The following RALGPS2 variants were observed in gnomAD, a reference collection of about 807,000 sequenced individuals.
RALGPS2 encodes the protein Ral GEF with PH domain and SH3 binding motif 2.
RALGPS2 carries 43 observed loss-of-function variants against 86.8 expected under a neutral mutation model. The ratio of observed to expected loss-of-function variants is 0.50; its 90% CI spans 0.39 to 0.64. RALGPS2 has a LOEUF of 0.64. Among genes scored for constraint, RALGPS2 ranks in the 30% least tolerant of loss-of-function variants. The probability of loss-of-function intolerance (pLI) is 0.00; values close to 1 mark genes in which losing one functional copy is unlikely to be tolerated. For synonymous variants in RALGPS2, 243 were observed against 231.3 expected (o/e 1.05, Z -0.46); for missense variants, 536 against 694.6 (o/e 0.77, Z 2.57).
intron 1 of RALGPS2, among the ~76,000 whole-genome samples, chr1:178,736,456 C>T (rs1650709200): frequency 6.6e-6 from 1 of 152,102 alleles, no homozygotes; most frequent in Non-Finnish European, 1.5e-5. Flanking sequence ...AGCCACTACA[C>T]CCAGCCTTAA....
At chr1:178,739,591 T>TA (rs1425514155) in intron 1 of RALGPS2, among the ~76,000 whole-genome samples, 3 of 152,246 alleles carry the variant, frequency 2.0e-5, no homozygotes, top group African/African-American at 7.2e-5. Flanking sequence ...TGGCGGGAAA[T>TA]ACAGTACCTT....
intron 1 of RALGPS2, among the ~76,000 whole-genome samples, chr1:178,770,373 T>G (rs1179837325): frequency 6.6e-6 from 1 of 152,152 alleles, no homozygotes; most frequent in Non-Finnish European, 1.5e-5. Context: ...GGCTGATGCA[T>G]GCTAAAAGCC....
At chr1:178,836,977 C>T (rs1209437066) in intron 8 of RALGPS2, among the ~76,000 whole-genome samples, 2 of 152,140 alleles carry the variant, frequency 1.3e-5, no homozygotes, top group African/African-American at 4.8e-5. Flanking sequence ...GACAGGATCT[C>T]GCCATGTTGC....
At chr1:178,767,188 A>G (rs915116774) in intron 1 of RALGPS2, among the ~76,000 whole-genome samples, 2 of 152,072 alleles carry the variant, frequency 1.3e-5, no homozygotes, top group Admixed American at 6.5e-5. Context: ...ATTCCTATAC[A>G]TATTCTGAAT....
intron 10 of RALGPS2, 49 bp from the exon 11 acceptor site, chr1:178,883,417 G>A (rs1489729283): frequency 7.3e-7 from 1 of 1,374,110 alleles, no homozygotes; most frequent in Admixed American, 1.7e-5. Flanking sequence ...ATCTTATTTT[G>A]TCAAATGTTA....
Position 178,853,038 on chromosome 1 carries a change from G to A in RALGPS2, c.607+19488G>A, listed in dbSNP as rs183816858. 4.9e-3 allele frequency: 7,347 copies of A among 1,495,790 alleles called. 31 individuals carry two copies. The highest frequency in any genetic ancestry group is 5.0e-3 in the Non-Finnish European group (5,674 of 1,125,364). 92.7% of individuals were successfully genotyped at this position (1,495,790 alleles called of 1,614,324 possible). ...ACAGAGCAGTGTTAAACATTCGATA[G>A]CATAAAGATACTGGCCATTTAAGTG... On this transcript the variant is annotated intron_variant, in intron 8 of 19. Coordinates refer to ENST00000367635, the MANE Select transcript of RALGPS2 (RefSeq NM_152663.5).
At chr1:178,904,108 A>C (rs1489762825) in intron 18 of RALGPS2, among the ~76,000 whole-genome samples, 1 of 152,004 alleles carries the variant, frequency 6.6e-6, no homozygotes, top group Non-Finnish European at 1.5e-5. Flanking sequence ...CATTAGTGAT[A>C]TGGAGCATTT....
At chr1:178,874,041 A>G (rs543508202) in intron 8 of RALGPS2, among the ~76,000 whole-genome samples, 27 of 152,100 alleles carry the variant, frequency 1.8e-4, no homozygotes, top group Non-Finnish European at 2.5e-4. Flanking sequence ...AAATACTATT[A>G]TTTAATCCAC....
At chr1:178,783,697 C>T (rs1235161534) in intron 2 of RALGPS2, among the ~76,000 whole-genome samples, 1 of 152,104 alleles carries the variant, frequency 6.6e-6, no homozygotes, top group Non-Finnish European at 1.5e-5. Context: ...TTAATAGAGC[C>T]TGATCTAAAT....
At chr1:178,837,427 G>A (rs920496012) in intron 8 of RALGPS2, among the ~76,000 whole-genome samples, 28 of 152,060 alleles carry the variant, frequency 1.8e-4, no homozygotes, top group South Asian at 8.3e-4. Flanking sequence ...TTGACACTGC[G>A]GTACCACACT....
At chr1:178,912,500 C>G (rs1466171357) in intron 19 of RALGPS2, among the ~76,000 whole-genome samples, 1 of 152,078 alleles carries the variant, frequency 6.6e-6, no homozygotes, top group Non-Finnish European at 1.5e-5. Context: ...TTTAAGGATG[C>G]TAAAAATAGG....
chr1:178,787,089 A>G (rs77695271), intron 4 of RALGPS2, among the ~76,000 whole-genome samples: 4,594 of 152,166 alleles, frequency 0.03, 228 homozygotes, highest in African/African-American at 0.1. Context: ...ACAAGAAGAA[A>G]ATGGCTTTTG....
intron 1 of RALGPS2, among the ~76,000 whole-genome samples, chr1:178,768,754 G>A (rs190754783): frequency 1.3e-5 from 2 of 152,338 alleles, no homozygotes; most frequent in East Asian, 1.9e-4. Flanking sequence ...AAGAACCAAG[G>A]CCAAAGGAGA....
intron 19 of RALGPS2, among the ~76,000 whole-genome samples, chr1:178,913,111 G>A (rs7513546): frequency 0.026 from 3,895 of 151,994 alleles, 156 homozygotes; most frequent in African/African-American, 0.087. Flanking sequence ...GTGAAACCCC[G>A]TCTCTGCTAA....
At chr1:178,758,392 C>T (rs1652057948) in intron 1 of RALGPS2, among the ~76,000 whole-genome samples, 1 of 152,140 alleles carries the variant, frequency 6.6e-6, no homozygotes, top group Non-Finnish European at 1.5e-5. Flanking sequence ...TCCTTTGTTA[C>T]AAGCAATCCA....
chr1:178,807,917 T>G, intron 4 of RALGPS2, 128 bp from the exon 5 acceptor site: 2 of 698,044 alleles, frequency 2.9e-6, no homozygotes, highest in Non-Finnish European at 2.6e-6. Flanking sequence ...TATAATATTA[T>G]GTATGTTCCC....
chr1:178,871,530 G>A (rs541708749), intron 8 of RALGPS2, among the ~76,000 whole-genome samples: 62 of 141,346 alleles, frequency 4.4e-4, no homozygotes, highest in African/African-American at 1.7e-3. Flanking sequence ...TTACTAAGTT[G>A]CTAATGAAGG....
chr1:178,844,333 A>C (rs760937850), intron 8 of RALGPS2, among the ~76,000 whole-genome samples: 7 of 152,216 alleles, frequency 4.6e-5, no homozygotes, highest in African/African-American at 1.7e-4. Context: ...TCCCCTAAAA[A>C]TGAGAACCAA....
intron 4 of RALGPS2, among the ~76,000 whole-genome samples, chr1:178,797,699 A>G (rs548738620): frequency 1.3e-5 from 2 of 152,278 alleles, no homozygotes; most frequent in East Asian, 3.9e-4. Context: ...TGATATTTTT[A>G]TAATACGTGT....
Sources: allele counts gnomAD v4.1 joint callset (sites outside exome capture counted in the v4.1 genomes callset), GRCh38; gene constraint gnomAD v4.1.1; transcripts MANE v1.5; gene names NCBI Gene and HGNC (gene_info 2026-07-23, HGNC 2026-07-21).